RCOR1: variants seen among roughly 807,000 people sequenced by gnomAD.
RCOR1 encodes REST corepressor 1.
In RCOR1, 12 loss-of-function variants were observed where a neutral mutation model predicts 64.0. The ratio of observed to expected loss-of-function variants is 0.19; its 90% CI spans 0.12 to 0.30. The LOEUF is 0.30. Ranked by LOEUF, RCOR1 falls within the 10% of genes least tolerant of loss-of-function variation. RCOR1 has a pLI of 1.00. For synonymous variants in RCOR1, 279 were observed against 227.2 expected (o/e 1.23, Z -2.05); for missense variants, 502 against 621.2 (o/e 0.81, Z 2.04).
intron 2 of RCOR1, among the ~76,000 whole-genome samples, chr14:102,672,588 A>C (rs1895052172): frequency 6.6e-6 from 1 of 152,226 alleles, no homozygotes; most frequent in Admixed American, 6.5e-5. Context: ...ATCTGACTAA[A>C]AACAGGCAAA....
At chr14:102,632,886 C>T (rs1163294686) in intron 2 of RCOR1, among the ~76,000 whole-genome samples, 3 of 150,764 alleles carry the variant, frequency 2.0e-5, no homozygotes, top group Non-Finnish European at 4.4e-5. Flanking sequence ...ATTATAGCCC[C>T]CTGCAGCCTC....
At chr14:102,664,654 T>G (rs1894883272) in intron 2 of RCOR1, among the ~76,000 whole-genome samples, 1 of 152,208 alleles carries the variant, frequency 6.6e-6, no homozygotes, top group African/African-American at 2.4e-5. Context: ...TTGCTGTGTT[T>G]AAGGAAAGGG....
At chr14:102,632,067 C>T (rs560056000) in intron 2 of RCOR1, among the ~76,000 whole-genome samples, 1 of 150,930 alleles carries the variant, frequency 6.6e-6, no homozygotes, top group South Asian at 2.1e-4. Context: ...GCCTTGGCCT[C>T]CCAAAGTGCT....
At chr14:102,676,112 A>G (rs1432426084) in intron 2 of RCOR1, among the ~76,000 whole-genome samples, 4 of 148,368 alleles carry the variant, frequency 2.7e-5, no homozygotes, top group Admixed American at 6.7e-5. Context: ...GTCTACTTCT[A>G]TCCACACAGA....
chr14:102,695,191 A>AT (rs1895619404), intron 3 of RCOR1, among the ~76,000 whole-genome samples: 3 of 152,236 alleles, frequency 2.0e-5, no homozygotes, highest in African/African-American at 7.2e-5. Flanking sequence ...TAAAATGAAT[A>AT]TAGAAACAAT....
rs5811076 is a variant in RCOR1, at chr14:102,614,224, C to CT, written c.361+20917dup. ...TTTTAAGATTTTTAAACATCTGGCT[C>CT]TTTTTTTTTTTTTTTTTTGAGACGG... On this transcript the variant is annotated intron_variant, in intron 2 of 11. Transcript: ENST00000262241. Among the ~76,000 whole-genome samples, 70 of 106,134 alleles carry CT rather than the reference C, an allele frequency of 6.6e-4. 1 individual carries two copies. The highest frequency in any genetic ancestry group is 5.1e-3 in the Middle Eastern group (1 of 196). The allele number at this position is 106,134 out of a possible 152,430, so 69.6% of individuals were successfully genotyped here. A position where few individuals can be genotyped will look rare whatever the true frequency, so the allele number is the denominator to read the frequency against.
At chr14:102,650,889 T>C in intron 2 of RCOR1, 1 of 548,390 alleles carries the variant, frequency 1.8e-6, no homozygotes, top group Non-Finnish European at 2.3e-6. Flanking sequence ...CACTTACTCT[T>C]AGATGTTAAA....
chr14:102,640,640 A>G (rs527858021), intron 2 of RCOR1, among the ~76,000 whole-genome samples: 1 of 152,014 alleles, frequency 6.6e-6, no homozygotes, highest in South Asian at 2.1e-4. Flanking sequence ...TCTTTTCTGC[A>G]GAGGCTATCA....
At chr14:102,635,946 C>G (rs1294650608) in intron 2 of RCOR1, among the ~76,000 whole-genome samples, 1 of 149,830 alleles carries the variant, frequency 6.7e-6, no homozygotes, top group Non-Finnish European at 1.5e-5. Context: ...GTTTCTCCCT[C>G]CCTCCCTCCC....
chr14:102,656,001 T>C, intron 2 of RCOR1: 4 of 969,784 alleles, frequency 4.1e-6, no homozygotes, highest in Non-Finnish European at 4.9e-6. Flanking sequence ...GAAATAAACC[T>C]ATGAACCAAC....
intron 2 of RCOR1, among the ~76,000 whole-genome samples, chr14:102,614,295 G>T (rs1451732571): frequency 2.0e-5 from 3 of 148,244 alleles, no homozygotes; most frequent in Non-Finnish European, 4.4e-5. Context: ...CGCCATCTCG[G>T]CTCACTGCAA....
intron 2 of RCOR1, among the ~76,000 whole-genome samples, chr14:102,626,706 C>T (rs1893989448): frequency 6.6e-6 from 1 of 152,166 alleles, no homozygotes; most frequent in South Asian, 2.1e-4. Flanking sequence ...CCAAAGCCTA[C>T]CTGTTAACAC....
intron 2 of RCOR1, among the ~76,000 whole-genome samples, chr14:102,638,566 G>A (rs553450056): frequency 6.7e-6 from 1 of 148,560 alleles, no homozygotes; most frequent in African/African-American, 2.5e-5. Context: ...GGCTGGTCTC[G>A]AACTCCTGAC....
rs146819503 is a variant in RCOR1, at chr14:102,607,148, G to A, written c.361+13823G>A. Reference sequence around the variant, plus strand: ...GGGTTTTTCCATGTTGGTCAGGCTGGTCTCGAACTTCTAACCTTAGGTGAT... The same window carrying A: ...GGGTTTTTCCATGTTGGTCAGGCTGATCTCGAACTTCTAACCTTAGGTGAT... On this transcript the variant is annotated intron_variant, in intron 2 of 11. Coordinates refer to ENST00000262241, the MANE Select transcript of RCOR1 (RefSeq NM_015156.4). Among the ~76,000 whole-genome samples the A allele has an allele frequency of 4.3e-3, 652 of 152,170 alleles. 5 individuals carry two copies. Among genetic ancestry groups the A allele is most frequent in the Middle Eastern group, 0.01 (3 of 294 alleles).
At chr14:102,709,663 C>T (rs1895919378) in intron 6 of RCOR1, among the ~76,000 whole-genome samples, 1 of 152,234 alleles carries the variant, frequency 6.6e-6, no homozygotes, top group South Asian at 2.1e-4. Flanking sequence ...AATTATCGAC[C>T]ATGATACATC....
intron 2 of RCOR1, among the ~76,000 whole-genome samples, chr14:102,648,723 T>G (rs1442032177): frequency 1.3e-5 from 2 of 152,206 alleles, no homozygotes; most frequent in Admixed American, 1.3e-4. Context: ...ATTTTAGCCC[T>G]TTTCCTTTCC....
At chr14:102,620,148 G>T (rs149715078) in intron 2 of RCOR1, among the ~76,000 whole-genome samples, 3,551 of 152,184 alleles carry the variant, frequency 0.023, 131 homozygotes, top group African/African-American at 0.076. Context: ...CCAGCACTTT[G>T]GGAGGCCAAG....
intron 2 of RCOR1, among the ~76,000 whole-genome samples, chr14:102,615,372 G>A (rs1329325578): frequency 2.0e-5 from 3 of 151,472 alleles, no homozygotes; most frequent in African/African-American, 7.3e-5. Flanking sequence ...GAACCCCTGG[G>A]CTCAAGCAAT....
At chr14:102,626,209 C>T (rs1893978571) in intron 2 of RCOR1, among the ~76,000 whole-genome samples, 1 of 152,194 alleles carries the variant, frequency 6.6e-6, no homozygotes, top group African/African-American at 2.4e-5. Context: ...AACCTCTCCT[C>T]CTATTCCTTT....
Sources: gnomAD v4.1 joint callset for allele counts (sites outside exome capture counted in the v4.1 genomes callset) on GRCh38, gnomAD v4.1.1 for gene constraint, MANE v1.5 for transcripts, NCBI Gene and HGNC (gene_info 2026-07-23, HGNC 2026-07-21) for gene names.